LINGO1: variants seen among roughly 807,000 people sequenced by gnomAD.
LINGO1 encodes the protein leucine rich repeat and Ig domain containing 1.
LINGO1 carries 11 observed loss-of-function variants against 37.3 expected under a neutral mutation model. The observed-to-expected ratio is 0.29, with a 90% CI of 0.19 to 0.49. The LOEUF is 0.49. Among genes scored for constraint, LINGO1 ranks in the 20% least tolerant of loss-of-function variants. The probability of loss-of-function intolerance (pLI) is 0.99; values close to 1 mark genes in which losing one functional copy is unlikely to be tolerated. For missense variants in LINGO1, 585 were observed against 878.2 expected (o/e 0.67, Z 4.22); for synonymous variants, 387 against 403.0 (o/e 0.96, Z 0.48).
intron 1 of LINGO1, among the ~76,000 whole-genome samples, chr15:77,748,697 T>C: frequency 6.6e-6 from 1 of 151,776 alleles, no homozygotes; most frequent in South Asian, 2.1e-4. Flanking sequence ...TCTTTTTCTT[T>C]TTTCTTTTCT....
upstream of LINGO1, among the ~76,000 whole-genome samples, chr15:77,697,196 G>T (rs1168651460): frequency 6.6e-6 from 1 of 152,216 alleles, no homozygotes; most frequent in Non-Finnish European, 1.5e-5. Flanking sequence ...GGCCAGGAAA[G>T]GTCTTCGGGG....
chr15:77,767,763 C>T (rs983416928), intron 1 of LINGO1, among the ~76,000 whole-genome samples: 3 of 152,144 alleles, frequency 2.0e-5, no homozygotes, highest in Non-Finnish European at 4.4e-5. Flanking sequence ...ACTAAAAAGA[C>T]AGTCATTAAC....
At chr15:77,678,187 A>AT (rs1173789647) in intron 2 of LINGO1, among the ~76,000 whole-genome samples, 3 of 152,254 alleles carry the variant, frequency 2.0e-5, no homozygotes, top group Non-Finnish European at 1.5e-5. Flanking sequence ...TTATTGAGGT[A>AT]TAATTACCCC....
At chr15:77,748,994 G>T (rs2076344344) in intron 1 of LINGO1, among the ~76,000 whole-genome samples, 1 of 140,206 alleles carries the variant, frequency 7.1e-6, no homozygotes, top group Non-Finnish European at 1.5e-5. Flanking sequence ...TGCAACCTCT[G>T]CCTCCTGGGT....
chr15:77,789,024 T>C (rs555941669), upstream of LINGO1, among the ~76,000 whole-genome samples: 1 of 152,274 alleles, frequency 6.6e-6, no homozygotes, highest in Admixed American at 6.5e-5. Flanking sequence ...CCCTGACAGC[T>C]TGGGGCGGCC....
At chr15:77,709,386 G>C (rs1433596374) in intron 2 of LINGO1, among the ~76,000 whole-genome samples, 2 of 152,166 alleles carry the variant, frequency 1.3e-5, no homozygotes, top group Admixed American at 6.5e-5. Flanking sequence ...GAGCCATACA[G>C]ACAGGGTCAT....
At chr15:77,750,291 A>C (rs1030226494) in intron 1 of LINGO1, among the ~76,000 whole-genome samples, 1 of 152,268 alleles carries the variant, frequency 6.6e-6, no homozygotes, top group Non-Finnish European at 1.5e-5. Flanking sequence ...CAAATGAGTA[A>C]GAAGAATAGC....
intron 3 of LINGO1, among the ~76,000 whole-genome samples, chr15:77,675,813 G>A (rs945193001): frequency 1.3e-5 from 2 of 152,162 alleles, no homozygotes; most frequent in Non-Finnish European, 2.9e-5. Flanking sequence ...TGACTCCCCA[G>A]TATTAAAGGG....
intron 1 of LINGO1, among the ~76,000 whole-genome samples, chr15:77,814,747 A>T (rs1180080648): frequency 1.3e-5 from 2 of 152,248 alleles, no homozygotes; most frequent in African/African-American, 4.8e-5. Context: ...ATCCAAGCCC[A>T]GGCCCTTTGG....
At chr15:77,757,744 G>A (rs1282344981) in intron 1 of LINGO1, among the ~76,000 whole-genome samples, 1 of 152,132 alleles carries the variant, frequency 6.6e-6, no homozygotes, top group East Asian at 1.9e-4. Context: ...AGAGGAGGAG[G>A]AGAAAGCAAG....
chr15:77,745,073 G>A (rs1377228879), intron 1 of LINGO1, among the ~76,000 whole-genome samples: 1 of 141,410 alleles, frequency 7.1e-6, no homozygotes, highest in Admixed American at 7.2e-5. Flanking sequence ...AGTCGAGATT[G>A]CACCACTGCA....
intron 1 of LINGO1, among the ~76,000 whole-genome samples, chr15:77,624,988 GC>G (rs1380691832): frequency 6.6e-6 from 1 of 152,208 alleles, no homozygotes; most frequent in Non-Finnish European, 1.5e-5. Flanking sequence ...CAGGCCAGTG[GC>G]CCCTTGGGAC....
chr15:77,686,172 C>A (rs557726848), intron 2 of LINGO1, among the ~76,000 whole-genome samples: 2 of 152,272 alleles, frequency 1.3e-5, no homozygotes, highest in South Asian at 4.1e-4. Context: ...AGTCTGTGGT[C>A]GGAGGCCTCA....
intron 2 of LINGO1, among the ~76,000 whole-genome samples, chr15:77,703,566 C>T (rs1482138323): frequency 6.6e-6 from 1 of 152,164 alleles, no homozygotes; most frequent in East Asian, 1.9e-4. Context: ...CCCACCACTT[C>T]CTGGAAGCAA....
chr15:77,817,156 C>T (rs768666471), intron 1 of LINGO1, among the ~76,000 whole-genome samples: 1 of 152,208 alleles, frequency 6.6e-6, no homozygotes, highest in Non-Finnish European at 1.5e-5. Context: ...AACTCCCGGG[C>T]AACAGCTCTT....
intron 1 of LINGO1, among the ~76,000 whole-genome samples, chr15:77,756,364 G>A (rs1361380501): frequency 6.6e-6 from 1 of 152,134 alleles, no homozygotes; most frequent in African/African-American, 2.4e-5. Flanking sequence ...TCCACACACA[G>A]AGGAATGACA....
intron 1 of LINGO1, among the ~76,000 whole-genome samples, chr15:77,616,835 T>C (rs916275040): frequency 1.4e-4 from 22 of 152,164 alleles, no homozygotes; most frequent in East Asian, 3.9e-4. Context: ...CAAGGCCTAA[T>C]TGAAGTCCGC....
At chr15:77,797,074 G>C (rs2076879799) in intron 1 of LINGO1, among the ~76,000 whole-genome samples, 2 of 152,152 alleles carry the variant, frequency 1.3e-5, no homozygotes. Context: ...CTGTGAGTAG[G>C]GGAGGGCGCT....
intron 3 of LINGO1, among the ~76,000 whole-genome samples, chr15:77,645,237 C>T (rs2074598465): frequency 6.6e-6 from 1 of 152,196 alleles, no homozygotes; most frequent in African/African-American, 2.4e-5. Context: ...GGGCTGAGGG[C>T]ACTGGGAGGA....
Sources: allele counts gnomAD v4.1 joint callset (sites outside exome capture counted in the v4.1 genomes callset), GRCh38; gene constraint gnomAD v4.1.1; transcripts MANE v1.5; gene names NCBI Gene and HGNC (gene_info 2026-07-23, HGNC 2026-07-21).